RANBP2: variants seen among roughly 807,000 people sequenced by gnomAD.
RANBP2 encodes the protein RAN binding protein 2.
RANBP2 carries 57 observed loss-of-function variants against 303.6 expected under a neutral mutation model. The observed-to-expected ratio is 0.19, with a 90% CI of 0.15 to 0.23. The LOEUF (loss-of-function observed/expected upper bound fraction) is 0.23. RANBP2 is among the 10% of genes least tolerant of loss of function. The pLI, the probability that RANBP2 is intolerant of heterozygous loss-of-function variation, is 1.00. For missense variants in RANBP2, 3,138 were observed against 3,780.8 expected, an observed-to-expected ratio of 0.83 and a Z score of 4.46; for synonymous variants, 1,167 against 1,301.5, an observed-to-expected ratio of 0.90 and a Z score of 2.23.
the RANBP2 span, among the ~76,000 whole-genome samples, chr2:108,877,686 G>T: frequency 4.6e-5 from 7 of 152,138 alleles, no homozygotes; most frequent in Non-Finnish European, 8.8e-5. Context: ...CTGAAGAAAA[G>T]AACAGAACAA....
chr2:109,136,042 T>A, the RANBP2 span, among the ~76,000 whole-genome samples: 22 of 152,342 alleles, frequency 1.4e-4, 1 homozygote, highest in South Asian at 2.3e-3. Flanking sequence ...GGCTGCTTGC[T>A]GTGATGGAGC....
At chr2:109,355,456 A>G in the RANBP2 span, among the ~76,000 whole-genome samples, 1 of 152,224 alleles carries the variant, frequency 6.6e-6, no homozygotes, top group Non-Finnish European at 1.5e-5. Context: ...TTATTGGTAC[A>G]CAGCCATAAT....
At chr2:109,044,958 T>C in the RANBP2 span, among the ~76,000 whole-genome samples, 3 of 152,194 alleles carry the variant, frequency 2.0e-5, no homozygotes, top group African/African-American at 7.2e-5. Flanking sequence ...AGGAAAAGGA[T>C]TTACTGTAAT....
At chr2:109,687,447 C>G in the RANBP2 span, among the ~76,000 whole-genome samples, 1 of 152,184 alleles carries the variant, frequency 6.6e-6, no homozygotes, top group Non-Finnish European at 1.5e-5. Flanking sequence ...CCTGGTTTCT[C>G]TTCTTGGAGA....
chr2:108,794,559 G>A, the RANBP2 span: 8 of 1,609,550 alleles, frequency 5.0e-6, no homozygotes, highest in East Asian at 2.2e-5. Context: ...CAACTAATAC[G>A]ACCTCATCGA....
chr2:109,689,349 C>G, the RANBP2 span, among the ~76,000 whole-genome samples: 1 of 152,108 alleles, frequency 6.6e-6, no homozygotes, highest in Non-Finnish European at 1.5e-5. Context: ...CAAATAGGTG[C>G]ACATAGGTTG....
At chr2:109,449,110 C>A in the RANBP2 span, 3 of 1,549,454 alleles carry the variant, frequency 1.9e-6, no homozygotes, top group South Asian at 1.2e-5. Flanking sequence ...AGCTGCCTGG[C>A]AGGCATGGCA....
chr2:109,104,523 G>A, the RANBP2 span, among the ~76,000 whole-genome samples: 1 of 149,760 alleles, frequency 6.7e-6, no homozygotes, highest in Non-Finnish European at 1.5e-5. Context: ...TCGCTCTGTC[G>A]CCCAGGCTGG....
chr2:109,021,654 G>T, the RANBP2 span, among the ~76,000 whole-genome samples: 3 of 152,116 alleles, frequency 2.0e-5, no homozygotes, highest in Non-Finnish European at 4.4e-5. Flanking sequence ...ATCGACAGAC[G>T]TTGGAAGCGA....
At chr2:109,126,036 G>T in the RANBP2 span, among the ~76,000 whole-genome samples, 1 of 152,226 alleles carries the variant, frequency 6.6e-6, no homozygotes, top group East Asian at 1.9e-4. Context: ...CTCTTGAAAG[G>T]TATGAAGGTC....
the RANBP2 span, among the ~76,000 whole-genome samples, chr2:109,284,184 G>A: frequency 5.9e-5 from 9 of 152,178 alleles, no homozygotes; most frequent in Admixed American, 5.2e-4. Flanking sequence ...AGGGGGTTGG[G>A]GCCTGCAGTT....
At chr2:109,223,340 C>T in the RANBP2 span, among the ~76,000 whole-genome samples, 2 of 152,310 alleles carry the variant, frequency 1.3e-5, no homozygotes, top group Admixed American at 6.5e-5. Flanking sequence ...GCCGACAGAG[C>T]CAAGAGGGGC....
At chr2:108,750,263 C>G (rs937273867) in intron 9 of RANBP2, among the ~76,000 whole-genome samples, 5 of 152,244 alleles carry the variant, frequency 3.3e-5, no homozygotes, top group African/African-American at 1.2e-4. Flanking sequence ...CTCCCACAGT[C>G]TCTGTATTAA....
chr2:109,548,839 G>C, the RANBP2 span, among the ~76,000 whole-genome samples: 5 of 140,952 alleles, frequency 3.5e-5, no homozygotes, highest in Non-Finnish European at 7.7e-5. Flanking sequence ...CTGAAAATCA[G>C]AGACTGAGAG....
downstream of RANBP2, chr2:108,787,981 C>A: frequency 7.4e-7 from 1 of 1,353,670 alleles, no homozygotes; most frequent in Non-Finnish European, 1.0e-6. Context: ...TATTTTGAGA[C>A]AGTAAATTGA....
the RANBP2 span, among the ~76,000 whole-genome samples, chr2:108,852,759 A>AG: frequency 6.6e-6 from 1 of 152,124 alleles, no homozygotes; most frequent in Non-Finnish European, 1.5e-5. Context: ...AGAGGGTGGG[A>AG]GGAGGGACAG....
chr2:109,048,935 T>C, the RANBP2 span, among the ~76,000 whole-genome samples: 5 of 152,200 alleles, frequency 3.3e-5, no homozygotes, highest in African/African-American at 7.2e-5. Context: ...CACCTCTAGA[T>C]TGGTATGATG....
the RANBP2 span, among the ~76,000 whole-genome samples, chr2:109,078,096 A>ATATATATATATATATATAGCG: frequency 2.9e-4 from 16 of 54,632 alleles, no homozygotes; most frequent in African/African-American, 1.7e-3. Context: ...ATATATATAT[A>ATATATATATATATATATAGCG]TATATATATA....
the RANBP2 span, among the ~76,000 whole-genome samples, chr2:109,450,708 A>C: frequency 3.9e-5 from 6 of 152,168 alleles, no homozygotes; most frequent in African/African-American, 1.4e-4. Flanking sequence ...AAATCCAATA[A>C]GCAATTCTCC....
Sources: allele counts gnomAD v4.1 joint callset (sites outside exome capture counted in the v4.1 genomes callset), GRCh38; gene constraint gnomAD v4.1.1; transcripts MANE v1.5; gene names NCBI Gene and HGNC (gene_info 2026-07-23, HGNC 2026-07-21).